Variants in BRD10 observed in about 807,000 individuals in gnomAD.
BRD10 encodes the protein bromodomain containing 10, also known as uncharacterized bromodomain-containing protein 10.
chr9:5,932,428 AAATG>A, the BRD10 span, among the ~76,000 whole-genome samples: 3 of 152,176 alleles, frequency 2.0e-5, no homozygotes, highest in African/African-American at 7.2e-5. Context: ...GGAAGAAAAA[AAATG>A]AATGGTTGTG....
the BRD10 span, among the ~76,000 whole-genome samples, chr9:5,946,697 T>C: frequency 6.6e-6 from 1 of 152,106 alleles, no homozygotes; most frequent in East Asian, 1.9e-4. Context: ...GATTTCTTAT[T>C]TGCACATATG....
At chr9:6,008,364 G>C in the BRD10 span, 6 of 976,546 alleles carry the variant, frequency 6.1e-6, no homozygotes, top group Non-Finnish European at 7.3e-6. Context: ...TGGGCGGTGA[G>C]GGGGGAGAAA....
chr9:5,911,852 C>T, the BRD10 span, among the ~76,000 whole-genome samples: 1 of 151,992 alleles, frequency 6.6e-6, no homozygotes, highest in African/African-American at 2.4e-5. Context: ...CTTTTGTGGG[C>T]TATCCTCTTT....
At chr9:5,897,682 C>T in the BRD10 span, 1 of 1,576,312 alleles carries the variant, frequency 6.3e-7, no homozygotes, top group Non-Finnish European at 8.7e-7. Flanking sequence ...GCTGAAATCC[C>T]TCCAAGTCCA....
At chr9:5,999,996 G>A in the BRD10 span, among the ~76,000 whole-genome samples, 1 of 152,092 alleles carries the variant, frequency 6.6e-6, no homozygotes, top group Non-Finnish European at 1.5e-5. Context: ...ATTCAGAATT[G>A]TAAATATTAA....
the BRD10 span, among the ~76,000 whole-genome samples, chr9:5,892,077 G>C: frequency 6.6e-6 from 1 of 152,244 alleles, no homozygotes; most frequent in Non-Finnish European, 1.5e-5. Flanking sequence ...CTGGGCCAGG[G>C]AAGGTGGAGA....
At chr9:5,917,910 C>T in the BRD10 span, among the ~76,000 whole-genome samples, 1 of 152,200 alleles carries the variant, frequency 6.6e-6, no homozygotes, top group African/African-American at 2.4e-5. Flanking sequence ...TAAAGTTGGG[C>T]CATAGGTAAT....
At chr9:5,971,312 G>C in the BRD10 span, among the ~76,000 whole-genome samples, 3 of 152,096 alleles carry the variant, frequency 2.0e-5, no homozygotes, top group Non-Finnish European at 4.4e-5. Context: ...TACACTGTAG[G>C]CAGTATAATT....
At chr9:5,957,989 A>C in the BRD10 span, among the ~76,000 whole-genome samples, 2 of 152,300 alleles carry the variant, frequency 1.3e-5, no homozygotes, top group Admixed American at 1.3e-4. Context: ...GGTCATATAA[A>C]ATAGAATAAA....
At chr9:5,987,767 T>G in the BRD10 span, among the ~76,000 whole-genome samples, 475 of 152,342 alleles carry the variant, frequency 3.1e-3, 3 homozygotes, top group African/African-American at 0.011. Flanking sequence ...GTTTGTTTGT[T>G]TGTCAGTATA....
chr9:5,957,120 C>T, the BRD10 span, among the ~76,000 whole-genome samples: 1 of 152,098 alleles, frequency 6.6e-6, no homozygotes, highest in African/African-American at 2.4e-5. Flanking sequence ...AGAAGATTAA[C>T]ATTTATTGAG....
the BRD10 span, among the ~76,000 whole-genome samples, chr9:5,954,679 G>C: frequency 1.3e-5 from 2 of 152,018 alleles, no homozygotes; most frequent in African/African-American, 4.8e-5. Context: ...AGTTATTTGT[G>C]GAATCAGAAA....
the BRD10 span, among the ~76,000 whole-genome samples, chr9:5,976,264 G>C: frequency 5.9e-5 from 9 of 152,244 alleles, no homozygotes; most frequent in Non-Finnish European, 5.9e-5. Flanking sequence ...TCACGTTTAT[G>C]TTAAATTTAT....
At chr9:5,921,270 C>T in the BRD10 span, 1 of 1,613,914 alleles carries the variant, frequency 6.2e-7, no homozygotes, top group South Asian at 1.1e-5. Context: ...ATGTTTAGTC[C>T]AATTTTCACA....
the BRD10 span, chr9:5,954,038 G>A: frequency 3.2e-6 from 5 of 1,568,242 alleles, no homozygotes; most frequent in South Asian, 2.3e-5. Context: ...TACAGTAGGT[G>A]ACTTTATGAC....
the BRD10 span, chr9:5,892,613 A>C: frequency 3.6e-6 from 5 of 1,397,160 alleles, no homozygotes; most frequent in Non-Finnish European, 5.0e-6. Flanking sequence ...CAGCCTGCTG[A>C]CTTCCACCAG....
the BRD10 span, among the ~76,000 whole-genome samples, chr9:6,000,346 A>G: frequency 1.3e-5 from 2 of 152,114 alleles, no homozygotes; most frequent in African/African-American, 2.4e-5. Context: ...GAATTTTAAG[A>G]TTCATATTAT....
the BRD10 span, among the ~76,000 whole-genome samples, chr9:6,001,523 T>C: frequency 6.6e-6 from 1 of 152,246 alleles, no homozygotes; most frequent in Non-Finnish European, 1.5e-5. Flanking sequence ...CTTTAACTTT[T>C]AATTATGCCT....
the BRD10 span, among the ~76,000 whole-genome samples, chr9:5,888,294 T>G: frequency 6.6e-6 from 1 of 152,288 alleles, no homozygotes; most frequent in South Asian, 2.1e-4. Context: ...CTGGGGTCAA[T>G]TATTAGGTGA....
Sources: allele counts gnomAD v4.1 joint callset (sites outside exome capture counted in the v4.1 genomes callset), GRCh38; gene constraint gnomAD v4.1.1; transcripts MANE v1.5; gene names NCBI Gene and HGNC (gene_info 2026-07-23, HGNC 2026-07-21).